CLDN1: variants seen among roughly 807,000 people sequenced by gnomAD.
CLDN1 encodes claudin-1.
CLDN1 carries 12 observed loss-of-function variants against 22.6 expected under a neutral mutation model. The ratio of observed to expected loss-of-function variants is 0.53; its 90% CI spans 0.34 to 0.86. CLDN1 has a LOEUF of 0.86. CLDN1 is among the 40% of genes least tolerant of loss of function. The probability of loss-of-function intolerance (pLI) is 0.02; values close to 1 mark genes in which losing one functional copy is unlikely to be tolerated. For missense variants in CLDN1, 250 were observed against 269.5 expected (o/e 0.93, Z 0.51); for synonymous variants, 99 against 103.8 (o/e 0.95, Z 0.28).
At chr3:190,311,961 C>CT (rs11408416) in intron 2 of CLDN1, among the ~76,000 whole-genome samples, 146,971 of 148,276 alleles carry the variant, frequency 0.99, 72,840 homozygotes, top group Middle Eastern at 1. Flanking sequence ...TTTCTTTTTT[C>CT]TTTTTTTTTT....
rs976314624 is a variant in CLDN1, at chr3:190,308,027, T to C, written c.*250A>G. On this transcript the variant is annotated 3_prime_UTR_variant, in exon 4 of 4. Transcript: ENST00000295522. ...CACCCCTTCCCCCAGTTGAGTATGA[T>C]TACTCAATGGGAAGCAGTAATACAA... 1.6e-5 allele frequency: 7 copies of C among 436,646 alleles called. No homozygotes were observed. The highest frequency in any genetic ancestry group is 1.4e-4 in the African/African-American group (7 of 49,894). The allele number at this position is 436,646 out of a possible 1,614,324, so 27.0% of individuals were successfully genotyped here. A position where few individuals can be genotyped will look rare whatever the true frequency, so the allele number is the denominator to read the frequency against.
chr3:190,312,165 A>G (rs1716638935), intron 2 of CLDN1, among the ~76,000 whole-genome samples: 1 of 152,044 alleles, frequency 6.6e-6, no homozygotes, highest in Admixed American at 6.6e-5. Context: ...TCACGACCTC[A>G]GGTGATCCGC....
At chr3:190,315,906 G>A (rs1716753538) in intron 1 of CLDN1, among the ~76,000 whole-genome samples, 1 of 152,136 alleles carries the variant, frequency 6.6e-6, no homozygotes, top group African/African-American at 2.4e-5. Flanking sequence ...AGGAACACAT[G>A]TGCATAAACT....
At chr3:190,313,804 T>A (rs748197940) in intron 1 of CLDN1, among the ~76,000 whole-genome samples, 6 of 152,192 alleles carry the variant, frequency 3.9e-5, no homozygotes, top group Non-Finnish European at 5.9e-5. Flanking sequence ...TAATTTCCCA[T>A]CATTATTTTT....
chr3:190,312,753 G>A (rs1281521250), intron 2 of CLDN1, 119 bp downstream of exon 2: 2 of 1,101,328 alleles, frequency 1.8e-6, no homozygotes, highest in Non-Finnish European at 2.8e-6. Context: ...TGGACTTCAG[G>A]TCTATGTTTG....
rs997231047 is a variant in CLDN1, at chr3:190,308,026, A to G, written c.*251T>C. The stretch of plus-strand genomic sequence containing the variant: ...GCACCCCTTCCCCCAGTTGAGTATG[A>G]TTACTCAATGGGAAGCAGTAATACA... On this transcript the variant is annotated 3_prime_UTR_variant, in exon 4 of 4. Coordinates refer to ENST00000295522, the MANE Select transcript of CLDN1 (RefSeq NM_021101.5). 2.3e-5 allele frequency: 10 copies of G among 435,640 alleles called. No individual in the cohort carries two copies. The Admixed American group carries it at 3.1e-4, about 13-fold the overall frequency. The allele number at this position is 435,640 out of a possible 1,614,324, so 27.0% of individuals were successfully genotyped here.
chr3:190,315,500 T>C (rs6799433), intron 1 of CLDN1, among the ~76,000 whole-genome samples: 21,240 of 152,104 alleles, frequency 0.14, 1,826 homozygotes, highest in Middle Eastern at 0.24. Flanking sequence ...AGTCATATGA[T>C]TATCTTGAGA....
intron 2 of CLDN1, among the ~76,000 whole-genome samples, chr3:190,311,558 GT>G (rs1028676081): frequency 3.3e-5 from 5 of 151,514 alleles, no homozygotes; most frequent in African/African-American, 9.7e-5. Context: ...GTCTATTCTA[GT>G]TTTTTTCTAT....
At chr3:190,309,350 G>A (rs967386753) in intron 3 of CLDN1, among the ~76,000 whole-genome samples, 1 of 152,138 alleles carries the variant, frequency 6.6e-6, no homozygotes, top group Non-Finnish European at 1.5e-5. Context: ...TATGGGATGG[G>A]CTCCAACACA....
intron 2 of CLDN1, among the ~76,000 whole-genome samples, chr3:190,311,594 ATC>A (rs1266419125): frequency 6.6e-6 from 1 of 151,434 alleles, no homozygotes; most frequent in Non-Finnish European, 1.5e-5. Flanking sequence ...CATTAATTAT[ATC>A]TGTTATTTTT....
In CLDN1 at chr3:190,322,096, G is replaced by C; in HGVS notation, c.111C>G (p.Gly37=). The C allele has an allele frequency of 6.2e-7, 1 of 1,614,184 alleles. No homozygotes were observed. The highest frequency in any genetic ancestry group is 8.5e-7 in the Non-Finnish European group (1 of 1,180,024). Reference sequence around the variant, plus strand: ...TGGCCTGGGCGGTCACGATGTTGTCGCCGGCATAGGAGTAAATCCTCCACT... The same window carrying C: ...TGGCCTGGGCGGTCACGATGTTGTCCCCGGCATAGGAGTAAATCCTCCACT... ...LPQWRIYSYA[G]DNIVTAQAMY... is the part of the protein sequence containing the mutation. The change falls in exon 1 of 4, where the codon GGC becomes GGG. Residue 37 remains glycine (G), a synonymous_variant. Coordinates refer to ENST00000295522, the MANE Select transcript of CLDN1 (RefSeq NM_021101.5).
Position 190,305,941 on chromosome 3 carries a change from A to T in CLDN1, c.*2336T>A, listed in dbSNP as rs184148681. ...GGAATTACACTCACACATCATGAAG[A>T]TCTATGTATGTGGCAAAAGCCATTT... is the stretch of plus-strand genomic sequence containing the variant. On this transcript the variant is annotated 3_prime_UTR_variant, in exon 4 of 4. Transcript: ENST00000295522. The T allele has an allele frequency of 6.6e-6, 1 of 152,330 alleles. No individual in the cohort carries two copies. The highest frequency in any genetic ancestry group is 1.9e-4 in the East Asian group (1 of 5,184). The allele number at this position is 152,330 out of a possible 1,614,324, so 9.4% of individuals were successfully genotyped here.
At position 190,307,775 on chromosome 3, in the gene CLDN1, C is replaced by T. The variant is rs55945457; in HGVS notation, c.*502G>A. The T allele has an allele frequency of 5.1e-3, 776 of 152,886 alleles. 6 individuals carry two copies. Among genetic ancestry groups the T allele is most frequent in the African/African-American group, 0.017 (699 of 41,458 alleles). The allele number at this position is 152,886 out of a possible 1,614,324, so 9.5% of individuals were successfully genotyped here. ...TAGGCTAGGTCTTGTGGCAAAGGCA[C>T]CCAAAGCTAATGAAGAAGAGTAAAT... On this transcript the variant is annotated 3_prime_UTR_variant, in exon 4 of 4. Transcript: ENST00000295522.
rs1003707903 is a variant in CLDN1 at position 190,305,880 on chromosome 3, A to C, written c.*2397T>G. 3 of 152,206 alleles carry C rather than the reference A, an allele frequency of 2.0e-5. No individual in the cohort carries two copies. Among genetic ancestry groups the C allele is most frequent in the Non-Finnish European group, 4.4e-5 (3 of 68,028 alleles). 9.4% of individuals were successfully genotyped at this position (152,206 alleles called of 1,614,324 possible). On this transcript the variant is annotated 3_prime_UTR_variant, in exon 4 of 4. Transcript: ENST00000295522. ...TTTCGTTGGTCATTTTGGGCCATAA[A>C]ATTTTTTTGTAATGTTTGGTAACTG...
chr3:190,308,943 C>T (rs1255831873), intron 3 of CLDN1, among the ~76,000 whole-genome samples: 1 of 152,036 alleles, frequency 6.6e-6, no homozygotes, highest in African/African-American at 2.4e-5. Flanking sequence ...TCTAAGCAGC[C>T]CATGAACCAT....
At chr3:190,313,823 A>T (rs917174607) in intron 1 of CLDN1, among the ~76,000 whole-genome samples, 6 of 152,204 alleles carry the variant, frequency 3.9e-5, no homozygotes, top group African/African-American at 1.4e-4. Context: ...TTGGTGTACT[A>T]ACTCATGATC....
At chr3:190,313,094 GGAA>G in intron 1 of CLDN1, 58 bp from the exon 2 acceptor site, 2 of 1,590,502 alleles carry the variant, frequency 1.3e-6, no homozygotes, top group East Asian at 2.2e-5. Flanking sequence ...AGAGAAAAAT[GGAA>G]GAAGACCAAG....
intron 2 of CLDN1, among the ~76,000 whole-genome samples, chr3:190,312,242 T>C (rs572047838): frequency 5.3e-5 from 8 of 152,264 alleles, no homozygotes; most frequent in African/African-American, 1.7e-4. Flanking sequence ...AAAAAACACG[T>C]ATTTATTTTA....
chr3:190,316,441 C>T (rs1716772072), intron 1 of CLDN1, among the ~76,000 whole-genome samples: 1 of 152,094 alleles, frequency 6.6e-6, no homozygotes. Context: ...GCACAAAAAG[C>T]TGAGAATTAA....
Sources: gnomAD v4.1 joint callset for allele counts (sites outside exome capture counted in the v4.1 genomes callset) on GRCh38, gnomAD v4.1.1 for gene constraint, MANE v1.5 for transcripts, NCBI Gene and HGNC (gene_info 2026-07-23, HGNC 2026-07-21) for gene names.